C1orf94: variants seen among roughly 807,000 people sequenced by gnomAD.
C1orf94 encodes uncharacterized protein C1orf94.
C1orf94 carries 45 observed loss-of-function variants against 53.6 expected under a neutral mutation model. The ratio of observed to expected loss-of-function variants is 0.84; its 90% CI spans 0.66 to 1.08. The LOEUF (loss-of-function observed/expected upper bound fraction) is 1.08, where lower values mean the gene tolerates loss of function less well. Among genes scored for constraint, C1orf94 ranks in the 50% least tolerant of loss-of-function variants. C1orf94 has a pLI of 0.00. For synonymous variants in C1orf94, 304 were observed against 296.1 expected, an observed-to-expected ratio of 1.03 and a Z score of -0.27; for missense variants, 762 against 738.9, an observed-to-expected ratio of 1.03 and a Z score of -0.36.
chr1:34,208,629 C>T (rs564598169), intron 5 of C1orf94, among the ~76,000 whole-genome samples: 1 of 152,304 alleles, frequency 6.6e-6, no homozygotes, highest in South Asian at 2.1e-4. Context: ...TACATAACCG[C>T]CACATCTCGG....
At position 34,207,196 on chromosome 1, in the gene C1orf94, G is replaced by A. The variant is rs543369693; in HGVS notation, c.1447-961G>A. Among the ~76,000 whole-genome samples, 203 of 152,190 alleles carry A rather than the reference G, an allele frequency of 1.3e-3. 1 individual carries two copies. The highest frequency in any genetic ancestry group is 4.5e-3 in the African/African-American group (186 of 41,530). On this transcript the variant is annotated intron_variant, in intron 4 of 6. Transcript: ENST00000488417. ...TGAGCCTCATCTTAAGGGAAAACTCGGGATTGACAGGTGGAGGCAGAGTCT... is the reference window on the plus strand; with the variant it reads ...TGAGCCTCATCTTAAGGGAAAACTCAGGATTGACAGGTGGAGGCAGAGTCT...
rs1166323890 is a variant in C1orf94 at position 34,177,294 on chromosome 1, C to G, written c.-496C>G. Among the ~76,000 whole-genome samples the G allele has an allele frequency of 2.6e-5, 4 of 152,194 alleles. No individual in the cohort carries two copies. The highest frequency in any genetic ancestry group is 2.6e-4 in the Admixed American group (4 of 15,290). On this transcript the variant is annotated 5_prime_UTR_variant, in exon 1 of 7. Transcript: ENST00000488417. ...GAGGGGCTCCCTGGGAACGCCCAGG[C>G]GAGCGCCTCCTGCGGGGCCCCGCCC...
chr1:34,201,755 A>T (rs1387333572), intron 3 of C1orf94, among the ~76,000 whole-genome samples: 1 of 152,206 alleles, frequency 6.6e-6, no homozygotes, highest in Non-Finnish European at 1.5e-5. Context: ...CAGTTGAAAG[A>T]ATTTCATTTT....
chr1:34,201,618 A>C (rs955513503), intron 3 of C1orf94, among the ~76,000 whole-genome samples: 7 of 152,184 alleles, frequency 4.6e-5, no homozygotes, highest in Non-Finnish European at 1.0e-4. Flanking sequence ...ATATAGATAC[A>C]ACAACCTGTG....
chr1:34,203,874 C>T (rs1642751715), intron 4 of C1orf94, among the ~76,000 whole-genome samples: 1 of 152,184 alleles, frequency 6.6e-6, no homozygotes, highest in Non-Finnish European at 1.5e-5. Flanking sequence ...TAAGCCTTAG[C>T]CCAATCCAAT....
upstream of C1orf94, among the ~76,000 whole-genome samples, chr1:34,175,189 G>T (rs1031550350): frequency 3.3e-4 from 26 of 77,860 alleles, no homozygotes; most frequent in African/African-American, 1.9e-3. Context: ...TGCTGTATTT[G>T]ATTTTTTTTT....
chr1:34,180,806 T>C (rs1013241745), intron 1 of C1orf94, among the ~76,000 whole-genome samples: 2 of 152,244 alleles, frequency 1.3e-5, no homozygotes, highest in African/African-American at 2.4e-5. Flanking sequence ...TTTCTTGTAT[T>C]GTGGTAGATA....
chr1:34,172,102 G>A (rs1258974967), upstream of C1orf94, among the ~76,000 whole-genome samples: 1 of 152,200 alleles, frequency 6.6e-6, no homozygotes, highest in Non-Finnish European at 1.5e-5. Flanking sequence ...AAAATATAAA[G>A]CTTCTAGCTG....
chr1:34,192,031 T>C (rs1274399788), intron 1 of C1orf94, among the ~76,000 whole-genome samples: 1 of 152,160 alleles, frequency 6.6e-6, no homozygotes, highest in Non-Finnish European at 1.5e-5. Flanking sequence ...TTGCTTCTTT[T>C]GTCAGGAGCC....
chr1:34,175,903 T>C (rs1339156063), upstream of C1orf94, among the ~76,000 whole-genome samples: 1 of 151,810 alleles, frequency 6.6e-6, no homozygotes, highest in Non-Finnish European at 1.5e-5. Context: ...GTTTTTGCCA[T>C]TGCAAGTGAT....
Position 34,197,791 on chromosome 1 carries a change from C to T in C1orf94, c.887C>T (p.Pro296Leu), listed in dbSNP as rs1331323390. The T allele has an allele frequency of 6.2e-7, 1 of 1,614,224 alleles. No individual in the cohort carries two copies. The highest frequency in any genetic ancestry group is 1.7e-5 in the Admixed American group (1 of 60,038). The change falls in exon 2 of 7, where the codon CCT becomes CTT. Residue 296 changes from proline to leucine, a missense_variant. Transcript: ENST00000488417. The surrounding 1 kb of genome is among the most constrained non-coding windows in gnomAD (Gnocchi z 4.1). ...CCATTTCTGCTGCTGCCTCCCCGAC[C>T]TCCTCCTGCACGTCCTGACAAGCTC... ...LSPFLLLPPR[P>L]PPARPDKLPE...
intron 6 of C1orf94, among the ~76,000 whole-genome samples, chr1:34,217,278 G>A (rs1341495001): frequency 1.3e-5 from 2 of 152,066 alleles, no homozygotes; most frequent in Non-Finnish European, 2.9e-5. Flanking sequence ...AGATCATGCC[G>A]GTGGCCGTTG....
rs1304722766 is a variant in C1orf94, at chr1:34,177,700, GCCTCTGAA to G, written c.-86_-79del. The G allele has an allele frequency of 3.4e-6, 4 of 1,187,228 alleles. No individual in the cohort carries two copies. Among genetic ancestry groups the G allele is most frequent in the Non-Finnish European group, 4.6e-6 (4 of 865,044 alleles). 73.5% of individuals were successfully genotyped at this position (1,187,228 alleles called of 1,614,324 possible). On this transcript the variant is annotated 5_prime_UTR_variant, in exon 1 of 7. Coordinates refer to ENST00000488417, the MANE Select transcript of C1orf94 (RefSeq NM_001134734.2). ...CCCACCCCTCCCACACAAATAGAAG[GCCTCTGAA>G]CCTAACCACCTTGCTGGAGCGAAAG...
chr1:34,197,273 A>G lies in C1orf94; in HGVS notation c.369A>G (p.Glu123=). The G allele has an allele frequency of 6.4e-7, 1 of 1,550,568 alleles. No homozygotes were observed. Among genetic ancestry groups the G allele is most frequent in the Non-Finnish European group, 8.7e-7 (1 of 1,146,288 alleles). Reference sequence around the variant, plus strand: ...AAGATGAGATCTCCTTGTTGGTGGAACAGGAGTTCCTAAGCCTCACCAAAG... The same window carrying G: ...AAGATGAGATCTCCTTGTTGGTGGAGCAGGAGTTCCTAAGCCTCACCAAAG... The part of the protein sequence containing the change: ...SGKDEISLLV[E]QEFLSLTKEH... Residue 123 remains glutamate (E), a synonymous_variant, in exon 2 of 7, where the codon GAA becomes GAG. Transcript: ENST00000488417. This position sits in a 1 kb window ranked among gnomAD's most constrained non-coding sequence, Gnocchi z 4.1.
chr1:34,194,385 T>C (rs12135488), intron 1 of C1orf94, among the ~76,000 whole-genome samples: 21,169 of 152,138 alleles, frequency 0.14, 1,648 homozygotes, highest in Middle Eastern at 0.24. Context: ...TCTGCTAGCC[T>C]GGCTTCAGGT....
Position 34,197,428 on chromosome 1 carries a change from G to A in C1orf94, c.524G>A (p.Arg175Lys), listed in dbSNP as rs1642606659. 1 of 1,613,862 alleles carries A rather than the reference G, an allele frequency of 6.2e-7. No homozygotes were observed. The highest frequency in any genetic ancestry group is 8.5e-7 in the Non-Finnish European group (1 of 1,179,898). Residue 175 changes from arginine (R) to lysine (K), a missense_variant, in exon 2 of 7, where the codon AGA (arginine) becomes AAA (lysine). Physicochemically the swap from Arg to Lys is conservative, Grantham distance 26 (BLOSUM62 2). Coordinates refer to ENST00000488417, the MANE Select transcript of C1orf94 (RefSeq NM_001134734.2). The surrounding 1 kb of genome is among the most constrained non-coding windows in gnomAD (Gnocchi z 4.1). The stretch of plus-strand genomic sequence containing the variant: ...GTGGCAGGCAGTAATGAGCGCCCCA[G>A]AGCCTCCATCATTGTCGGAGACAAG... ...PLVAGSNERP[R>K]ASIIVGDKLL...
At chr1:34,211,828 T>G (rs1385067497) in intron 5 of C1orf94, among the ~76,000 whole-genome samples, 1 of 152,052 alleles carries the variant, frequency 6.6e-6, no homozygotes, top group East Asian at 1.9e-4. Flanking sequence ...AATGAAAGCC[T>G]TAAAAATAAA....
intron 1 of C1orf94, among the ~76,000 whole-genome samples, chr1:34,189,263 T>G (rs998432907): frequency 1.3e-5 from 2 of 152,140 alleles, no homozygotes; most frequent in African/African-American, 4.8e-5. Flanking sequence ...GTGGTACGTG[T>G]GTGCATGTGT....
chr1:34,168,882 T>C (rs1236912211), intron 1 of C1orf94, among the ~76,000 whole-genome samples: 1 of 152,100 alleles, frequency 6.6e-6, no homozygotes, highest in African/African-American at 2.4e-5. Flanking sequence ...CTTCAACCTA[T>C]GAATTTGGGT....
Sources: gnomAD v4.1 joint callset for allele counts (sites outside exome capture counted in the v4.1 genomes callset) on GRCh38, gnomAD v4.1.1 for gene constraint, Gnocchi (gnomAD v3.1) non-coding constraint, MANE v1.5 for transcripts, NCBI Gene and HGNC (gene_info 2026-07-23, HGNC 2026-07-21) for gene names.